FADS3: variants seen among roughly 807,000 people sequenced by gnomAD.
FADS3 encodes fatty acid desaturase 3.
Under a neutral mutation model 60.4 loss-of-function variants are expected in FADS3, and 30 were observed. That is an observed-to-expected ratio of 0.50 (90% confidence interval 0.37 to 0.67). The LOEUF is 0.67. Among genes scored for constraint, FADS3 ranks in the 30% least tolerant of loss-of-function variants. The probability of loss-of-function intolerance (pLI) is 0.00; values close to 1 mark genes in which losing one functional copy is unlikely to be tolerated. For synonymous variants in FADS3, 234 were observed against 249.3 expected (o/e 0.94, Z 0.58); for missense variants, 432 against 598.3 (o/e 0.72, Z 2.90).
At chr11:61,881,098 G>C (rs984573553) in intron 1 of FADS3, 3 of 152,224 alleles carry the variant, frequency 2.0e-5, no homozygotes, top group African/African-American at 7.2e-5. Context: ...GATTGCTTGA[G>C]GCCAGGAGTT....
chr11:61,891,409 A>G lies in FADS3; in HGVS notation c.-28T>C. Reference sequence around the variant, plus strand: ...TGCACGCACGAGTCCTGGGGATCCCAGGCGGTGGCCGAGGTCCGAGCAAGA... The same window carrying G: ...TGCACGCACGAGTCCTGGGGATCCCGGGCGGTGGCCGAGGTCCGAGCAAGA... On this transcript the variant is annotated 5_prime_UTR_variant, in exon 1 of 12. Transcript: ENST00000278829. 1.4e-6 allele frequency: 2 copies of G among 1,388,638 alleles called. No individual in the cohort carries two copies. The highest frequency in any genetic ancestry group is 1.9e-6 in the Non-Finnish European group (2 of 1,074,992). The allele number at this position is 1,388,638 out of a possible 1,614,324, so 86.0% of individuals were successfully genotyped here.
chr11:61,879,990 C>T, intron 2 of FADS3, 51 bp downstream of exon 2: 1 of 1,467,682 alleles, frequency 6.8e-7, no homozygotes, highest in Non-Finnish European at 9.5e-7. Context: ...CCCAGCCCTC[C>T]AGCCATCCCC....
chr11:61,884,918 G>A (rs187709803), intron 1 of FADS3, among the ~76,000 whole-genome samples: 11 of 152,290 alleles, frequency 7.2e-5, no homozygotes, highest in South Asian at 2.1e-4. Context: ...CTCAGAGGCC[G>A]GCACAGAGCA....
intron 1 of FADS3, among the ~76,000 whole-genome samples, chr11:61,889,113 T>C (rs1151144): frequency 0.59 from 89,384 of 150,656 alleles, 29,574 homozygotes; most frequent in Non-Finnish European, 0.74. Context: ...GTCAGGCTGG[T>C]CTCAAACTCC....
chr11:61,875,087 A>T (rs1170331506), intron 11 of FADS3, among the ~76,000 whole-genome samples: 1 of 152,222 alleles, frequency 6.6e-6, no homozygotes, highest in African/African-American at 2.4e-5. Context: ...TCTAACCTCC[A>T]GTGGTCACCA....
chr11:61,891,355 C>A lies in FADS3; in HGVS notation c.27G>T (p.Pro9=). The A allele has an allele frequency of 6.7e-7, 1 of 1,494,130 alleles. No homozygotes were observed. The highest frequency in any genetic ancestry group is 1.3e-5 in the South Asian group (1 of 79,878). 92.6% of individuals were successfully genotyped at this position (1,494,130 alleles called of 1,614,324 possible). The change falls in exon 1 of 12, where the codon CCG becomes CCT. Residue 9 remains proline, a synonymous_variant. Coordinates refer to ENST00000278829, the MANE Select transcript of FADS3 (RefSeq NM_021727.5). ...CCCCCGGCTGCGCGGGTCCCTCCCG[C>A]GGTCCCGGCTCCCCGACGCCGCCCA... MGGVGEPG[P]REGPAQPGAP...
At chr11:61,878,414 ATCAGGGGCTAGG>A (rs1266671361) in intron 5 of FADS3, 86 bp downstream of exon 5, 35 of 1,529,020 alleles carry the variant, frequency 2.3e-5, no homozygotes, top group Non-Finnish European at 2.9e-5. Flanking sequence ...TGGAGGCCAG[ATCAGGGGCTAGG>A]TCAGGGGCAG....
chr11:61,878,757 C>A lies in FADS3; in HGVS notation c.613G>T (p.Gly205Trp), dbSNP rs1271975116. 6.2e-7 allele frequency: 1 copy of A among 1,614,078 alleles called. No individual in the cohort carries two copies. The highest frequency in any genetic ancestry group is 8.5e-7 in the Non-Finnish European group (1 of 1,179,984). ...CACCCCACCCTCACCTTTAGCTGCCCCATCACGAACTTCTGGGCCACGTGG... is the reference window on the plus strand; with the variant it reads ...CACCCCACCCTCACCTTTAGCTGCCACATCACGAACTTCTGGGCCACGTGG... The part of the protein sequence containing the change: ...WNHVAQKFVM[G>W]QLKGFSAHWW... Residue 205 changes from glycine to tryptophan, a missense_variant, in exon 4 of 12, where the codon GGG (glycine) becomes TGG (tryptophan). This residue lies in a region of FADS3 where 116 missense variants were observed against 208.9 expected (regional missense o/e 0.56). Coordinates refer to ENST00000278829, the MANE Select transcript of FADS3 (RefSeq NM_021727.5).
intron 1 of FADS3, among the ~76,000 whole-genome samples, chr11:61,883,539 A>G (rs980136855): frequency 6.6e-6 from 1 of 152,216 alleles, no homozygotes; most frequent in South Asian, 2.1e-4. Flanking sequence ...GCCCACATGA[A>G]CACTCAGCCA....
chr11:61,877,962 G>A lies in FADS3; in HGVS notation c.808+193C>T, dbSNP rs1004763703. On this transcript the variant is annotated intron_variant, in intron 6 of 11. Coordinates refer to ENST00000278829, the MANE Select transcript of FADS3 (RefSeq NM_021727.5). This position sits in a 1 kb window ranked among gnomAD's most constrained non-coding sequence, Gnocchi z 4.7. ...CGTGGCTGCAAGGTGTCCCAGGCAC[G>A]GGAGACAGCTGGGGCAAAGGCATGC... 1.1e-5 allele frequency: 7 copies of A among 628,784 alleles called. No homozygotes were observed. Among genetic ancestry groups the A allele is most frequent in the Non-Finnish European group, 1.7e-5 (6 of 353,936 alleles). The allele number at this position is 628,784 out of a possible 1,614,324, so 39.0% of individuals were successfully genotyped here.
At position 61,878,183 on chromosome 11, in the gene FADS3, G is replaced by A. The variant is rs759943483; in HGVS notation, c.780C>T (p.Tyr260=). The A allele has an allele frequency of 3.1e-5, 50 of 1,614,098 alleles. No homozygotes were observed. The highest frequency in any genetic ancestry group is 3.6e-5 in the Non-Finnish European group (43 of 1,180,036). ...GGAAGAAGTACAGGTGCTGCTGGTT[G>A]TAGGGTAGGTATCTGCGTTTCTTCT... The part of the protein sequence containing the change: ...YGKKKRRYLP[Y]NQQHLYFFLI... Residue 260 remains tyrosine (Y), a synonymous_variant, in exon 6 of 12, where the codon TAC becomes TAT. Coordinates refer to ENST00000278829, the MANE Select transcript of FADS3 (RefSeq NM_021727.5).
chr11:61,887,426 T>C (rs1938353664), intron 1 of FADS3, among the ~76,000 whole-genome samples: 3 of 152,186 alleles, frequency 2.0e-5, no homozygotes, highest in Admixed American at 1.3e-4. Context: ...TTAAGGATCC[T>C]TTTAAATGTC....
chr11:61,891,737 G>C (rs912096611), upstream of FADS3: 1 of 152,744 alleles, frequency 6.5e-6, no homozygotes, highest in African/African-American at 2.4e-5. Flanking sequence ...GCCCCTCCCG[G>C]GAGGACAGCG....
In FADS3 at chr11:61,891,520, A is replaced by C; in HGVS notation, c.-139T>G. ...CCCGCCCTGCCGCCGCGGCCGCCGT[A>C]CGAGCGAGCGTGCGCCTCCCGGCTC... On this transcript the variant is annotated 5_prime_UTR_variant, in exon 1 of 12. Transcript: ENST00000278829. 4 of 502,350 alleles carry C rather than the reference A, an allele frequency of 8.0e-6. No homozygotes were observed. The highest frequency in any genetic ancestry group is 1.2e-5 in the Non-Finnish European group (4 of 335,192). 31.1% of individuals were successfully genotyped at this position (502,350 alleles called of 1,614,324 possible).
Position 61,877,598 on chromosome 11 carries a change from G to A in FADS3, c.809-11C>T. The A allele has an allele frequency of 6.2e-7, 1 of 1,613,082 alleles. No individual in the cohort carries two copies. The highest frequency in any genetic ancestry group is 1.1e-5 in the South Asian group (1 of 90,998). ...GCAGCGGCGGGCCGACTGCAAGAAG[G>A]GGCATGAGAGTGTTCAGGAGTGGGG... is the stretch of plus-strand genomic sequence containing the variant. On this transcript the variant is annotated splice_polypyrimidine_tract_variant and intron_variant, in intron 6 of 11. Transcript: ENST00000278829. The surrounding 1 kb of genome is among the most constrained non-coding windows in gnomAD (Gnocchi z 4.7).
intron 6 of FADS3, 28 bp downstream of exon 6, chr11:61,878,127 C>G (rs779549009): frequency 1.9e-6 from 3 of 1,608,132 alleles, no homozygotes; most frequent in African/African-American, 2.7e-5. Context: ...GGCACTCCCC[C>G]ACCCCAGAAG....
Position 61,877,741 on chromosome 11 carries a change from T to G in FADS3, c.809-154A>C, listed in dbSNP as rs966036117. The G allele has an allele frequency of 3.9e-5, 27 of 689,048 alleles. No individual in the cohort carries two copies. The highest frequency in any genetic ancestry group is 6.7e-5 in the Non-Finnish European group (27 of 401,318). The allele number at this position is 689,048 out of a possible 1,614,324, so 42.7% of individuals were successfully genotyped here. ...TGACCCCATATCACCCCCAATTCTG[T>G]GTCCAAGCCTCCCCAGGCTGCCCTT... On this transcript the variant is annotated intron_variant, in intron 6 of 11. Transcript: ENST00000278829. The surrounding 1 kb of genome is among the most constrained non-coding windows in gnomAD (Gnocchi z 4.7).
chr11:61,874,563 C>T (rs144605761), intron 11 of FADS3, among the ~76,000 whole-genome samples: 8 of 152,340 alleles, frequency 5.3e-5, no homozygotes, highest in Non-Finnish European at 8.8e-5. Flanking sequence ...TCCTGCCCGC[C>T]AGTCATTCCC....
At chr11:61,891,586 C>T, upstream of FADS3, 1 of 213,900 alleles carries the variant, frequency 4.7e-6, no homozygotes, top group Non-Finnish European at 9.0e-6. Flanking sequence ...GCGCGGACGG[C>T]GCCCGCCTCG....
Sources: allele counts gnomAD v4.1 joint callset (sites outside exome capture counted in the v4.1 genomes callset), GRCh38; gene constraint gnomAD v4.1.1; regional missense constraint gnomAD v4.1.1; non-coding constraint Gnocchi (gnomAD v3.1); transcripts MANE v1.5; gene names NCBI Gene and HGNC (gene_info 2026-07-23, HGNC 2026-07-21).